The following LHFPL3 variants were observed in gnomAD, a reference collection of about 807,000 sequenced individuals.
LHFPL3 encodes the protein LHFPL tetraspan subfamily member 3 protein.
In LHFPL3, 5 loss-of-function variants were observed where a neutral mutation model predicts 19.3. That is an observed-to-expected ratio of 0.26 (90% CI 0.14 to 0.54). The LOEUF is 0.54. Among genes scored for constraint, LHFPL3 ranks in the 20% least tolerant of loss-of-function variants. LHFPL3 has a pLI of 0.94. For synonymous variants in LHFPL3, 133 were observed against 126.2 expected (o/e 1.05, Z -0.36); for missense variants, 249 against 307.4 (o/e 0.81, Z 1.42).
intron 1 of LHFPL3, among the ~76,000 whole-genome samples, chr7:104,666,539 T>TTTTTTTTTTTTTTTTTTTTTG: frequency 1.0e-5 from 1 of 96,956 alleles, no homozygotes; most frequent in Admixed American, 1.2e-4. Context: ...TTTTTTTTTT[T>TTTTTTTTTTTTTTTTTTTTTG]GAGACGGAGT....
At chr7:104,595,970 C>T (rs1299225786) in intron 1 of LHFPL3, among the ~76,000 whole-genome samples, 1 of 152,266 alleles carries the variant, frequency 6.6e-6, no homozygotes, top group Non-Finnish European at 1.5e-5. Context: ...TCTGTCATGG[C>T]TTCCCTTGGC....
At chr7:104,872,185 A>G (rs1791850117) in intron 2 of LHFPL3, among the ~76,000 whole-genome samples, 1 of 151,438 alleles carries the variant, frequency 6.6e-6, no homozygotes, top group South Asian at 2.1e-4. Context: ...AAAAATACAA[A>G]AATTATCTGG....
chr7:104,760,519 A>C (rs1283162699), intron 2 of LHFPL3, among the ~76,000 whole-genome samples: 2 of 152,214 alleles, frequency 1.3e-5, no homozygotes, highest in African/African-American at 4.8e-5. Context: ...CCTTTTCCAA[A>C]GTACACACAC....
At chr7:104,823,004 T>C (rs1790705706) in intron 2 of LHFPL3, among the ~76,000 whole-genome samples, 1 of 152,092 alleles carries the variant, frequency 6.6e-6, no homozygotes, top group Non-Finnish European at 1.5e-5. Flanking sequence ...TCCAGAGCCG[T>C]ACGCTCTGCA....
At chr7:104,585,967 A>G (rs1055552712) in intron 1 of LHFPL3, among the ~76,000 whole-genome samples, 1 of 152,132 alleles carries the variant, frequency 6.6e-6, no homozygotes, top group African/African-American at 2.4e-5. Flanking sequence ...AAATTACCTT[A>G]AAGTTCATGC....
chr7:104,390,759 ACT>A (rs1791049750), intron 1 of LHFPL3, among the ~76,000 whole-genome samples: 1 of 152,216 alleles, frequency 6.6e-6, no homozygotes. Flanking sequence ...GAATCTCCAC[ACT>A]GTCTTCCACA....
At chr7:104,794,866 C>T (rs1218878050) in intron 2 of LHFPL3, among the ~76,000 whole-genome samples, 1 of 152,136 alleles carries the variant, frequency 6.6e-6, no homozygotes, top group African/African-American at 2.4e-5. Flanking sequence ...TTACTGCAAC[C>T]TCCTTTGGAT....
chr7:104,379,196 CA>C (rs1790773526), intron 1 of LHFPL3, among the ~76,000 whole-genome samples: 1 of 152,212 alleles, frequency 6.6e-6, no homozygotes, highest in African/African-American at 2.4e-5. Context: ...ACTTCTAGGG[CA>C]AGCTTGGAAG....
At chr7:104,430,413 T>C (rs1217116263) in intron 1 of LHFPL3, among the ~76,000 whole-genome samples, 18 of 26,886 alleles carry the variant, frequency 6.7e-4, no homozygotes, top group South Asian at 1.2e-3. Flanking sequence ...TACATATATA[T>C]ATATACATAT....
chr7:104,770,643 C>A (rs1417961281), intron 2 of LHFPL3, among the ~76,000 whole-genome samples: 1 of 152,172 alleles, frequency 6.6e-6, no homozygotes, highest in South Asian at 2.1e-4. Context: ...CCAATTATCC[C>A]CTCCCACACC....
intron 1 of LHFPL3, among the ~76,000 whole-genome samples, chr7:104,390,124 G>A (rs1339029877): frequency 1.3e-5 from 2 of 151,346 alleles, no homozygotes. Context: ...GGTCTAGTAT[G>A]CAGAATATAT....
intron 1 of LHFPL3, among the ~76,000 whole-genome samples, chr7:104,558,163 G>C (rs1196015799): frequency 4.0e-5 from 6 of 151,248 alleles, no homozygotes; most frequent in African/African-American, 1.5e-4. Context: ...CTTTATAGCA[G>C]CATGATTTAT....
chr7:104,607,298 A>G (rs1307832045), intron 1 of LHFPL3, among the ~76,000 whole-genome samples: 1 of 152,254 alleles, frequency 6.6e-6, no homozygotes, highest in African/African-American at 2.4e-5. Flanking sequence ...CAACAATGTC[A>G]GATTTTTTCT....
chr7:104,441,267 C>T (rs1054483000), intron 1 of LHFPL3, among the ~76,000 whole-genome samples: 2 of 152,032 alleles, frequency 1.3e-5, no homozygotes, highest in African/African-American at 4.8e-5. Context: ...TTTTACATGC[C>T]TCATATAAGT....
At chr7:104,372,128 G>A (rs1790628565) in intron 1 of LHFPL3, among the ~76,000 whole-genome samples, 1 of 152,206 alleles carries the variant, frequency 6.6e-6, no homozygotes, top group Non-Finnish European at 1.5e-5. Context: ...TGCAGCCAGA[G>A]TAGTTGGGAG....
At chr7:104,524,818 A>G (rs1186106177) in intron 1 of LHFPL3, among the ~76,000 whole-genome samples, 1 of 152,164 alleles carries the variant, frequency 6.6e-6, no homozygotes, top group Non-Finnish European at 1.5e-5. Context: ...CTCCCCTGTT[A>G]ATCTCCTACT....
At chr7:104,710,020 C>T (rs1793271019) in intron 1 of LHFPL3, among the ~76,000 whole-genome samples, 1 of 152,212 alleles carries the variant, frequency 6.6e-6, no homozygotes. Context: ...CACTGCACTC[C>T]AGCCTGGGCA....
At chr7:104,499,446 G>A (rs534843740) in intron 1 of LHFPL3, among the ~76,000 whole-genome samples, 30 of 152,332 alleles carry the variant, frequency 2.0e-4, no homozygotes, top group African/African-American at 5.5e-4. Context: ...TTGCAATGAA[G>A]CATGACCGAG....
intron 2 of LHFPL3, among the ~76,000 whole-genome samples, chr7:104,755,482 A>G (rs1178138056): frequency 1.3e-5 from 2 of 152,186 alleles, no homozygotes; most frequent in East Asian, 3.9e-4. Context: ...TAAATGCTGG[A>G]TGATGCAAAA....
Sources: gnomAD v4.1 joint callset for allele counts (sites outside exome capture counted in the v4.1 genomes callset) on GRCh38, gnomAD v4.1.1 for gene constraint, MANE v1.5 for transcripts, NCBI Gene and HGNC (gene_info 2026-07-23, HGNC 2026-07-21) for gene names.